The following FOXP4 variants were observed in gnomAD, a reference collection of about 807,000 sequenced individuals.
FOXP4 encodes forkhead box P4.
In FOXP4, 25 loss-of-function variants were observed where a neutral mutation model predicts 82.6. That is an observed-to-expected ratio of 0.30 (90% CI 0.22 to 0.42). The LOEUF is 0.42. FOXP4 is among the 10% of genes least tolerant of loss of function. The pLI is 1.00. For synonymous variants in FOXP4, 415 were observed against 388.2 expected, an observed-to-expected ratio of 1.07 and a Z score of -0.81; for missense variants, 785 against 900.9, an observed-to-expected ratio of 0.87 and a Z score of 1.65.
At chr6:41,596,706 G>A (rs865932241) in intron 14 of FOXP4, among the ~76,000 whole-genome samples, 1 of 152,116 alleles carries the variant, frequency 6.6e-6, no homozygotes, top group African/African-American at 2.4e-5. Context: ...CCATACAGAA[G>A]CCTCCATGTG....
At chr6:41,550,900 T>A (rs1366862249) in intron 1 of FOXP4, among the ~76,000 whole-genome samples, 3 of 152,236 alleles carry the variant, frequency 2.0e-5, no homozygotes, top group Non-Finnish European at 4.4e-5. Flanking sequence ...AACCCTAGCC[T>A]ACACGTCCTT....
Position 41,594,984 on chromosome 6 carries a change from A to G in FOXP4, c.1651A>G (p.Met551Val), listed in dbSNP as rs1246315639. 6.2e-7 allele frequency: 1 copy of G among 1,614,056 alleles called. No individual in the cohort carries two copies. Among genetic ancestry groups the G allele is most frequent in the Admixed American group, 1.7e-5 (1 of 60,032 alleles). ...GTATCAGAAGCGGAGACCGCCAAAGATGACAGGGTATGTGGGTCCAGAGCT... is the reference window on the plus strand; with the variant it reads ...GTATCAGAAGCGGAGACCGCCAAAGGTGACAGGGTATGTGGGTCCAGAGCT... The part of the protein sequence containing the change: ...REYQKRRPPK[M>V]TGSPTLVKNM... The change falls in exon 14 of 17, where the codon ATG (methionine) becomes GTG (valine). Residue 551 changes from methionine to valine, a missense_variant. Coordinates refer to ENST00000307972, the MANE Select transcript of FOXP4 (RefSeq NM_001012426.2).
rs1029130797 is a variant in FOXP4 at position 41,591,119 on chromosome 6, C to T, written c.1435-102C>T. 2 of 930,852 alleles carry T rather than the reference C, an allele frequency of 2.1e-6. No individual in the cohort carries two copies. The highest frequency in any genetic ancestry group is 3.4e-6 in the Non-Finnish European group (2 of 590,928). The allele number at this position is 930,852 out of a possible 1,614,324, so 57.7% of individuals were successfully genotyped here. On this transcript the variant is annotated intron_variant, in intron 12 of 16. Transcript: ENST00000307972. This position sits in a 1 kb window ranked among gnomAD's most constrained non-coding sequence, Gnocchi z 4.2. ...TGAGCAGGTCTTCTCACAAAGTGAA[C>T]TCGGGGCTAGGCAGAAGGGAGAGGT...
At chr6:41,587,606 G>C (rs1766227136) in intron 7 of FOXP4, 94 bp downstream of exon 7, 6 of 1,130,356 alleles carry the variant, frequency 5.3e-6, no homozygotes, top group Non-Finnish European at 7.6e-6. Flanking sequence ...GGAGGGGGTG[G>C]AGCCCACGGA....
rs1300236955 is a variant in FOXP4 at position 41,546,560 on chromosome 6, G to A, written c.-324G>A. 6.7e-6 allele frequency: 1 copy of A among 148,416 alleles called. No homozygotes were observed. Among genetic ancestry groups the A allele is most frequent in the Non-Finnish European group, 1.5e-5 (1 of 66,296 alleles). The allele number at this position is 148,416 out of a possible 1,614,324, so 9.2% of individuals were successfully genotyped here. A position where few individuals can be genotyped will look rare whatever the true frequency, so the allele number is the denominator to read the frequency against. ...CGGGCCGGAACCAGGGCTGGGCCGG[G>A]GGCGGGGACGCCGGGGTCCGGGAGC... On this transcript the variant is annotated 5_prime_UTR_variant, in exon 1 of 17. Transcript: ENST00000307972.
chr6:41,582,430 C>G (rs1291741416), intron 3 of FOXP4, among the ~76,000 whole-genome samples: 1 of 152,218 alleles, frequency 6.6e-6, no homozygotes, highest in Admixed American at 6.5e-5. Context: ...CCCAGTTAGC[C>G]GACCGGGAAA....
At chr6:41,589,063 C>T (rs1213076195) in intron 9 of FOXP4, among the ~76,000 whole-genome samples, 2 of 152,216 alleles carry the variant, frequency 1.3e-5, no homozygotes, top group East Asian at 1.9e-4. Flanking sequence ...TCAAGGAATC[C>T]TCTCAACAAC....
At chr6:41,597,726 G>C in intron 15 of FOXP4, 55 bp from the exon 16 acceptor site, 2 of 1,572,044 alleles carry the variant, frequency 1.3e-6, no homozygotes, top group East Asian at 2.3e-5. Flanking sequence ...GCACTTGACT[G>C]AGTGTGCCCC....
In FOXP4 at chr6:41,591,354, C is replaced by T. The variant is rs1766504820; in HGVS notation, c.1536+32C>T. 1 of 1,539,664 alleles carries T rather than the reference C, an allele frequency of 6.5e-7. No homozygotes were observed. Among genetic ancestry groups the T allele is most frequent in the African/African-American group, 1.4e-5 (1 of 73,468 alleles). The stretch of plus-strand genomic sequence containing the variant: ...CAGGCCCCTTCCACCTTCTGGGCCC[C>T]AGTCACCCTTGGACCTGCCATATCC... On this transcript the variant is annotated intron_variant, in intron 13 of 16. Transcript: ENST00000307972. The surrounding 1 kb of genome is among the most constrained non-coding windows in gnomAD (Gnocchi z 4.2).
chr6:41,601,537 A>G lies in FOXP4; in HGVS notation c.*2601A>G, dbSNP rs867971903. 6.6e-6 allele frequency: 1 copy of G among 152,192 alleles called. No individual in the cohort carries two copies. The highest frequency in any genetic ancestry group is 1.5e-5 in the Non-Finnish European group (1 of 68,074). 9.4% of individuals were successfully genotyped at this position (152,192 alleles called of 1,614,324 possible). ...GCCCAGACTGGAGTGCAGTGATGCT[A>G]TCTCGGCTCACTGCAACCTTTGCCT... On this transcript the variant is annotated 3_prime_UTR_variant, in exon 17 of 17. Coordinates refer to ENST00000307972, the MANE Select transcript of FOXP4 (RefSeq NM_001012426.2).
intron 12 of FOXP4, among the ~76,000 whole-genome samples, chr6:41,590,654 GTCTC>G (rs890731973): frequency 6.6e-6 from 1 of 152,056 alleles, no homozygotes; most frequent in South Asian, 2.1e-4. Context: ...GTCACTCTTC[GTCTC>G]TCTCCTTTGT....
chr6:41,587,558 G>A, intron 7 of FOXP4, 46 bp downstream of exon 7: 4 of 1,462,636 alleles, frequency 2.7e-6, no homozygotes, highest in Non-Finnish European at 2.8e-6. Flanking sequence ...CTGCCTGGGG[G>A]TAGACCTGGC....
In FOXP4 at chr6:41,599,829, C is replaced by T. The variant is rs1341726573; in HGVS notation, c.*893C>T. 6.6e-6 allele frequency: 1 copy of T among 152,478 alleles called. No homozygotes were observed. The highest frequency in any genetic ancestry group is 1.5e-5 in the Non-Finnish European group (1 of 68,046). 9.4% of individuals were successfully genotyped at this position (152,478 alleles called of 1,614,324 possible). On this transcript the variant is annotated 3_prime_UTR_variant, in exon 17 of 17. Transcript: ENST00000307972. ...TCCAGCCTGCAGGCCTCTCTGCAGT[C>T]CTCTCACCCTCCCTCAGCTCCCCTT... is the stretch of plus-strand genomic sequence containing the variant.
In FOXP4 at chr6:41,587,385, G is replaced by A. The variant is rs1233579339; in HGVS notation, c.745G>A (p.Gly249Arg). 6.2e-7 allele frequency: 1 copy of A among 1,600,018 alleles called. No individual in the cohort carries two copies. Among genetic ancestry groups the A allele is most frequent in the East Asian group, 2.2e-5 (1 of 44,760 alleles). ...QPAEDSVKQE[G>R]LDLTGTAATA... is the part of the protein sequence containing the mutation. ...TGCCGAGGACAGCGTCAAGCAGGAG[G>A]GGCTGGACCTCACTGGCACGGCCGC... The change falls in exon 7 of 17, where the codon GGG (glycine) becomes AGG (arginine). Residue 249 changes from glycine to arginine, a missense_variant. Around this residue, in one of 3 missense-constraint regions of FOXP4, gnomAD observed 570 missense variants for 634.0 expected, o/e 0.90. Transcript: ENST00000307972.
chr6:41,555,393 C>G (rs1287539232), intron 1 of FOXP4, among the ~76,000 whole-genome samples: 1 of 152,182 alleles, frequency 6.6e-6, no homozygotes, highest in African/African-American at 2.4e-5. Flanking sequence ...GGGTGAGCCC[C>G]TCTATGATAA....
chr6:41,594,938 G>C lies in FOXP4; in HGVS notation c.1605G>C (p.Val535=), dbSNP rs142039008. 1.2e-4 allele frequency: 197 copies of C among 1,614,218 alleles called. 1 individual carries two copies. In the Middle Eastern group the frequency reaches 2.0e-3, roughly 16 times the overall value. ...GCGTGGAGAACGTCAAGGGTGCCGT[G>C]TGGACTGTGGACGAGCGGGAGTATC... The part of the protein sequence containing the change: ...FVRVENVKGA[V]WTVDEREYQK... Residue 535 remains valine (V), a synonymous_variant, in exon 14 of 17, where the codon GTG becomes GTC. Coordinates refer to ENST00000307972, the MANE Select transcript of FOXP4 (RefSeq NM_001012426.2).
At chr6:41,559,357 C>T (rs184954269) in intron 1 of FOXP4, among the ~76,000 whole-genome samples, 4 of 152,338 alleles carry the variant, frequency 2.6e-5, no homozygotes, top group African/African-American at 9.6e-5. Flanking sequence ...GGTACTTAAA[C>T]ATTGGTCGCA....
At chr6:41,594,617 C>T (rs1338318688) in intron 13 of FOXP4, among the ~76,000 whole-genome samples, 1 of 152,158 alleles carries the variant, frequency 6.6e-6, no homozygotes. Context: ...CAAGATGTGG[C>T]AGGGAGAGAG....
intron 16 of FOXP4, among the ~76,000 whole-genome samples, chr6:41,598,173 T>C (rs1581797008): frequency 2.3e-5 from 3 of 132,890 alleles, no homozygotes; most frequent in Non-Finnish European, 1.6e-5. Flanking sequence ...CACCTTCTCC[T>C]CCCCATTTTC....
Sources: gnomAD v4.1 joint callset for allele counts (sites outside exome capture counted in the v4.1 genomes callset) on GRCh38, gnomAD v4.1.1 for gene constraint, gnomAD v4.1.1 regional missense constraint, Gnocchi (gnomAD v3.1) non-coding constraint, MANE v1.5 for transcripts, NCBI Gene and HGNC (gene_info 2026-07-23, HGNC 2026-07-21) for gene names.